The following CFAP92 variants were observed in gnomAD, a reference collection of about 807,000 sequenced individuals.
CFAP92 encodes the protein uncharacterized protein CFAP92.
A neutral mutation model predicts 106.3 loss-of-function variants in CFAP92; 86 were observed. The observed-to-expected ratio is 0.81, with a 90% CI of 0.68 to 0.97. The LOEUF (loss-of-function observed/expected upper bound fraction) is 0.97, where lower values mean the gene tolerates loss of function less well. Ranked by LOEUF, CFAP92 falls within the 50% of genes least tolerant of loss-of-function variation. CFAP92 has a pLI of 0.00. For missense variants in CFAP92, 1,204 were observed against 1,283.8 expected, an observed-to-expected ratio of 0.94 and a Z score of 0.95; for synonymous variants, 477 against 506.4, an observed-to-expected ratio of 0.94 and a Z score of 0.78.
chr3:129,011,195 T>G, the CFAP92 span, among the ~76,000 whole-genome samples: 11 of 152,296 alleles, frequency 7.2e-5, no homozygotes, highest in Admixed American at 2.6e-4. Context: ...CATGGAGTAT[T>G]TGAAGATTCA....
chr3:128,934,021 C>T (rs536046640), intron 11 of CFAP92, among the ~76,000 whole-genome samples: 1 of 152,334 alleles, frequency 6.6e-6, no homozygotes, highest in Non-Finnish European at 1.5e-5. Context: ...AGTGAACTGT[C>T]TGCCTGCTGA....
chr3:129,002,198 C>G, intron 1 of CFAP92: 2 of 1,509,964 alleles, frequency 1.3e-6, no homozygotes, highest in Non-Finnish European at 1.8e-6. Context: ...GCGCGCCTGG[C>G]CCCGACAGCG....
Position 128,956,207 on chromosome 3 carries a change from T to TA in CFAP92, c.1353+9303dup, listed in dbSNP as rs1256391409. Among the ~76,000 whole-genome samples, 316 of 53,158 alleles carry TA rather than the reference T, an allele frequency of 5.9e-3. 3 individuals are homozygous for TA. The highest frequency in any genetic ancestry group is 0.042 in the African/African-American group (301 of 7,242). The allele number at this position is 53,158 out of a possible 152,430, so 34.9% of individuals were successfully genotyped here. A position where few individuals can be genotyped will look rare whatever the true frequency, so the allele number is the denominator to read the frequency against. ...ATTAAAAAAAAAAATAAAAAAAAAA[T>TA]AAAAAAATAAAAAAAAAAAAAGAAA... On this transcript the variant is annotated intron_variant, in intron 9 of 15. Transcript: ENST00000645291.
At chr3:128,977,932 G>T in intron 5 of CFAP92, 113 bp downstream of exon 5, 1 of 1,371,800 alleles carries the variant, frequency 7.3e-7, no homozygotes, top group Non-Finnish European at 1.0e-6. Context: ...CGCCTCTGCT[G>T]CCAATACACA....
upstream of CFAP92, chr3:129,003,781 C>G: frequency 1.0e-5 from 15 of 1,430,906 alleles, no homozygotes; most frequent in Non-Finnish European, 1.4e-5. Flanking sequence ...CCCCTGCTGC[C>G]CTGTCCCCGC....
At chr3:128,988,617 T>C (rs1034167901) in intron 3 of CFAP92, 111 bp downstream of exon 3, 14 of 1,146,442 alleles carry the variant, frequency 1.2e-5, no homozygotes, top group Non-Finnish European at 1.6e-5. Flanking sequence ...CCCGGGATCC[T>C]CCAATTCTAG....
At chr3:128,965,203 A>AC (rs1371436991) in intron 9 of CFAP92, among the ~76,000 whole-genome samples, 4 of 152,032 alleles carry the variant, frequency 2.6e-5, no homozygotes, top group Non-Finnish European at 5.9e-5. Flanking sequence ...TGTGAGATCC[A>AC]CCCCTGCCCA....
At chr3:128,987,530 A>G in intron 4 of CFAP92, 86 bp downstream of exon 4, 2 of 1,197,376 alleles carry the variant, frequency 1.7e-6, no homozygotes, top group Non-Finnish European at 2.4e-6. Context: ...AATTAGATGA[A>G]GGAAACCAGG....
chr3:128,996,166 G>A (rs182134112), upstream of CFAP92, among the ~76,000 whole-genome samples: 197 of 152,282 alleles, frequency 1.3e-3, 1 homozygote, highest in Middle Eastern at 0.01. Context: ...TGTGACTGAC[G>A]GTTCCCAGCC....
chr3:128,976,936 A>AGG, intron 6 of CFAP92, 43 bp downstream of exon 6: 2 of 1,471,944 alleles, frequency 1.4e-6, no homozygotes, highest in Non-Finnish European at 1.9e-6. Context: ...CTAGTACAAG[A>AGG]GGGGCTCCAC....
rs531719665 is a variant in CFAP92, at chr3:128,911,045, G to GTGTA, written c.3281-716_3281-713dup. The stretch of plus-strand genomic sequence containing the variant: ...CAGTTGTATGTATATATGTGTGTGT[G>GTGTA]TGTATGTATGTATGTATGTATTTAT... On this transcript the variant is annotated intron_variant, in intron 15 of 15. Transcript: ENST00000645291. Among the ~76,000 whole-genome samples the GTGTA allele has an allele frequency of 5.8e-4, 89 of 152,282 alleles. 1 individual carries two copies. The highest frequency in any genetic ancestry group is 1.7e-3 in the East Asian group (9 of 5,190).
intron 10 of CFAP92, among the ~76,000 whole-genome samples, chr3:128,943,630 G>A (rs913171620): frequency 6.6e-6 from 1 of 151,904 alleles, no homozygotes; most frequent in African/African-American, 2.4e-5. Flanking sequence ...CCCTCTCCAG[G>A]GTTCAAGGAA....
intron 10 of CFAP92, among the ~76,000 whole-genome samples, chr3:128,940,612 G>A (rs529838992): frequency 2.2e-4 from 33 of 152,196 alleles, no homozygotes; most frequent in African/African-American, 7.5e-4. Context: ...CACCAATTTT[G>A]CAATATCACA....
intron 9 of CFAP92, among the ~76,000 whole-genome samples, chr3:128,960,019 T>G (rs973129415): frequency 6.6e-6 from 1 of 152,208 alleles, no homozygotes; most frequent in African/African-American, 2.4e-5. Flanking sequence ...AGAAGGTTCT[T>G]TGTAATTCTC....
rs1559936203 is a variant in CFAP92 at position 128,988,783 on chromosome 3, A to G, written c.398T>C (p.Val133Ala). The change falls in exon 3 of 16, where the codon GTT becomes GCT. Residue 133 changes from valine to alanine, a missense_variant. Coordinates refer to ENST00000645291, the MANE Select transcript of CFAP92 (RefSeq NM_001394090.1). ...LLPDDEEPKK[V>A]DILLFPMVAK... The stretch of plus-strand genomic sequence containing the variant: ...CACCATTGGAAATAGCAATATGTCA[A>G]CTTTTTTAGGTTCTTCATCGTCCGG... The G allele has an allele frequency of 1.2e-6, 2 of 1,614,034 alleles. No individual in the cohort carries two copies. The highest frequency in any genetic ancestry group is 1.7e-6 in the Non-Finnish European group (2 of 1,179,900).
At position 128,993,036 on chromosome 3, in the gene CFAP92, C is replaced by T; in HGVS notation, c.262+7G>A. ...AGAGGGTGTTAAACTTCTGCTCTAG[C>T]ACCTACCCATATTCACAGGGAAGGC... On this transcript the variant is annotated splice_region_variant and intron_variant, in intron 2 of 15. Transcript: ENST00000645291. 2 of 1,614,024 alleles carry T rather than the reference C, an allele frequency of 1.2e-6. No individual in the cohort carries two copies. The highest frequency in any genetic ancestry group is 1.7e-6 in the Non-Finnish European group (2 of 1,179,882).
intron 12 of CFAP92, among the ~76,000 whole-genome samples, chr3:128,917,964 A>G (rs200545145): frequency 6.6e-6 from 1 of 152,244 alleles, no homozygotes; most frequent in East Asian, 1.9e-4. Flanking sequence ...GTACACTATT[A>G]TTAGTGGGAT....
the CFAP92 span, among the ~76,000 whole-genome samples, chr3:129,013,001 A>G: frequency 2.0e-5 from 3 of 152,190 alleles, no homozygotes; most frequent in East Asian, 1.9e-4. Flanking sequence ...AGGATATGCT[A>G]TTTACCCACA....
At chr3:128,912,958 G>A in intron 15 of CFAP92, 1 of 492,120 alleles carries the variant, frequency 2.0e-6, no homozygotes, top group Admixed American at 2.3e-5. Flanking sequence ...CCTGTGTCAG[G>A]TGTGGATAGC....
Sources: gnomAD v4.1 joint callset for allele counts (sites outside exome capture counted in the v4.1 genomes callset) on GRCh38, gnomAD v4.1.1 for gene constraint, MANE v1.5 for transcripts, NCBI Gene and HGNC (gene_info 2026-07-23, HGNC 2026-07-21) for gene names.